CTDP1: variants seen among roughly 807,000 people sequenced by gnomAD.
The protein encoded by CTDP1 is CTD phosphatase 1.
In CTDP1, 47 loss-of-function variants were observed where a neutral mutation model predicts 91.8. The observed-to-expected ratio is 0.51, with a 90% CI of 0.41 to 0.65. The LOEUF is 0.65. Ranked by LOEUF, CTDP1 falls within the 30% of genes least tolerant of loss-of-function variation. The pLI, the probability that CTDP1 is intolerant of heterozygous loss-of-function variation, is 0.00. For missense variants in CTDP1, 1,272 were observed against 1,373.7 expected (o/e 0.93, Z 1.17); for synonymous variants, 656 against 598.5 (o/e 1.10, Z -1.40).
At chr18:79,708,753 T>C (rs1287289188) in intron 5 of CTDP1, among the ~76,000 whole-genome samples, 4 of 152,242 alleles carry the variant, frequency 2.6e-5, no homozygotes, top group South Asian at 4.1e-4. Context: ...CGGCTCACTC[T>C]TGTGCAATCC....
At chr18:79,683,840 C>G (rs1258923706) in intron 1 of CTDP1, among the ~76,000 whole-genome samples, 1 of 152,228 alleles carries the variant, frequency 6.6e-6, no homozygotes, top group Non-Finnish European at 1.5e-5. Flanking sequence ...GGAGGACAGC[C>G]TGTCTCTTGA....
rs771887540 is a variant in CTDP1 at position 79,714,911 on chromosome 18, G to A, written c.1451G>A (p.Arg484Gln). ...SDGESEGKRG[R>Q]QKPKAAPEGA... Reference sequence around the variant, plus strand: ...GGCGAAAGCGAGGGGAAAAGAGGCCGGCAGAAGCCGAAGGCTGCCCCAGAG... The same window carrying A: ...GGCGAAAGCGAGGGGAAAAGAGGCCAGCAGAAGCCGAAGGCTGCCCCAGAG... Residue 484 changes from arginine (R) to glutamine (Q), a missense_variant, in exon 8 of 13, where the codon CGG (arginine) becomes CAG (glutamine). By Grantham distance (43) the Arg-to-Gln change is conservative. Transcript: ENST00000613122. 2.0e-5 allele frequency: 31 copies of A among 1,567,262 alleles called. No individual in the cohort carries two copies. Among genetic ancestry groups the A allele is most frequent in the African/African-American group, 1.2e-4 (9 of 74,290 alleles).
chr18:79,734,020 A>G (rs74429170), intron 11 of CTDP1, among the ~76,000 whole-genome samples: 6,344 of 152,328 alleles, frequency 0.042, 202 homozygotes, highest in South Asian at 0.16. Flanking sequence ...CCTCAACTTT[A>G]CAATAGTTCG....
chr18:79,692,198 A>C (rs1157991813), intron 1 of CTDP1, among the ~76,000 whole-genome samples: 1 of 151,962 alleles, frequency 6.6e-6, no homozygotes, highest in Non-Finnish European at 1.5e-5. Flanking sequence ...CAGTGGAGAA[A>C]ACCTTTGCAG....
chr18:79,706,875 A>T (rs2085977884), intron 5 of CTDP1, among the ~76,000 whole-genome samples: 1 of 152,242 alleles, frequency 6.6e-6, no homozygotes, highest in African/African-American at 2.4e-5. Context: ...CAGCGGGCAC[A>T]GCCCGGTGAC....
At chr18:79,681,216 G>A (rs2085359196) in intron 1 of CTDP1, among the ~76,000 whole-genome samples, 1 of 152,240 alleles carries the variant, frequency 6.6e-6, no homozygotes, top group Admixed American at 6.5e-5. Context: ...TCCCGTCACA[G>A]CCCCAGAACG....
At chr18:79,677,285 T>C (rs1237784219), upstream of CTDP1, 1 of 152,228 alleles carries the variant, frequency 6.6e-6, no homozygotes, top group Non-Finnish European at 1.5e-5. Context: ...TTTAGAAACA[T>C]TAAATTTTAC....
At position 79,715,446 on chromosome 18, in the gene CTDP1, G is replaced by A. The variant is rs147092934; in HGVS notation, c.1986G>A (p.Ala662=). 79 of 1,591,850 alleles carry A rather than the reference G, an allele frequency of 5.0e-5. No homozygotes were observed. The African/African-American group carries it at 8.8e-4, about 18-fold the overall frequency. The change falls in exon 8 of 13, where the codon GCG becomes GCA. Residue 662 remains alanine, a synonymous_variant. Transcript: ENST00000613122. ...EKTREHYHAT[A]LGAKILTRLV... is the part of the protein sequence containing the mutation. ...CGCGGGAGCATTACCACGCCACGGC[G>A]CTGGGAGCGAAGATCCTCACTCGGC...
chr18:79,703,832 A>G (rs2085907993), intron 4 of CTDP1, among the ~76,000 whole-genome samples: 1 of 151,728 alleles, frequency 6.6e-6, no homozygotes, highest in Non-Finnish European at 1.5e-5. Context: ...ATCGGTGGTT[A>G]TGTAGTTATC....
At chr18:79,693,592 T>G (rs1017956683) in intron 1 of CTDP1, among the ~76,000 whole-genome samples, 2 of 152,146 alleles carry the variant, frequency 1.3e-5, no homozygotes, top group African/African-American at 4.8e-5. Context: ...AAACGCGGAA[T>G]CCATTTGTGT....
intron 10 of CTDP1, among the ~76,000 whole-genome samples, chr18:79,725,400 T>G (rs2086426132): frequency 6.6e-6 from 1 of 152,196 alleles, no homozygotes; most frequent in Admixed American, 6.5e-5. Context: ...GAGATTTTAT[T>G]TTTGCAAGGT....
intron 12 of CTDP1, among the ~76,000 whole-genome samples, chr18:79,746,487 G>T (rs1340947315): frequency 6.6e-6 from 1 of 152,260 alleles, no homozygotes; most frequent in African/African-American, 2.4e-5. Flanking sequence ...ATAGCACGCG[G>T]AGTTTTGGTT....
intron 1 of CTDP1, chr18:79,681,606 T>C (rs753686885): frequency 9.1e-5 from 41 of 451,946 alleles, no homozygotes; most frequent in Admixed American, 2.6e-4. Context: ...CATCAGTCAG[T>C]CAGCCAGCCA....
chr18:79,680,603 A>C, intron 1 of CTDP1, among the ~76,000 whole-genome samples: 1 of 152,214 alleles, frequency 6.6e-6, no homozygotes, highest in East Asian at 1.9e-4. Context: ...GGCTGTGAGC[A>C]CAAGAGTCAT....
Position 79,701,951 on chromosome 18 carries a change from T to C in CTDP1, c.622-2816T>C, listed in dbSNP as rs956623898. 2.0e-5 allele frequency among the ~76,000 whole-genome samples: 3 copies of C among 152,238 alleles called. 1 individual carries two copies. The highest frequency in any genetic ancestry group is 1.9e-4 in the East Asian group (1 of 5,202). Reference sequence around the variant, plus strand: ...CAGATGAGGAGTTGCTTCTTACGGATGAGCAAAGAAAGTAGTTTCTTGAAA... The same window carrying C: ...CAGATGAGGAGTTGCTTCTTACGGACGAGCAAAGAAAGTAGTTTCTTGAAA... On this transcript the variant is annotated intron_variant, in intron 4 of 12. Coordinates refer to ENST00000613122, the MANE Select transcript of CTDP1 (RefSeq NM_004715.5).
intron 2 of CTDP1, among the ~76,000 whole-genome samples, 192 bp from the exon 3 acceptor site, chr18:79,695,785 C>T (rs1160613348): frequency 2.0e-5 from 3 of 152,166 alleles, no homozygotes; most frequent in Non-Finnish European, 2.9e-5. Flanking sequence ...AGTGTGGCCA[C>T]GAGCTCAGTG....
chr18:79,742,188 G>A (rs1363272800), intron 12 of CTDP1, among the ~76,000 whole-genome samples: 1 of 134,408 alleles, frequency 7.4e-6, no homozygotes, highest in Non-Finnish European at 1.6e-5. Context: ...GCATGAGAGA[G>A]AGAGAGAGAG....
intron 6 of CTDP1, among the ~76,000 whole-genome samples, chr18:79,711,403 A>G (rs113175569): frequency 1.3e-5 from 2 of 152,058 alleles, no homozygotes; most frequent in Non-Finnish European, 2.9e-5. Context: ...CTGAGTATCC[A>G]GGGAATGGCC....
At chr18:79,720,197 C>T (rs994193408) in intron 10 of CTDP1, among the ~76,000 whole-genome samples, 4 of 149,016 alleles carry the variant, frequency 2.7e-5, no homozygotes, top group African/African-American at 9.9e-5. Context: ...ATGTCATCTC[C>T]TGTCGTTAGG....
Sources: gnomAD v4.1 joint callset for allele counts (sites outside exome capture counted in the v4.1 genomes callset) on GRCh38, gnomAD v4.1.1 for gene constraint, MANE v1.5 for transcripts, NCBI Gene and HGNC (gene_info 2026-07-23, HGNC 2026-07-21) for gene names.